XKR4: variants seen among roughly 807,000 people sequenced by gnomAD.
The protein encoded by XKR4 is XK-related protein 4.
Under a neutral mutation model 53.9 loss-of-function variants are expected in XKR4, and 12 were observed. The observed-to-expected ratio is 0.22, with a 90% CI of 0.14 to 0.36. The LOEUF (loss-of-function observed/expected upper bound fraction) is 0.36. Among genes scored for constraint, XKR4 ranks in the 10% least tolerant of loss-of-function variants. The pLI is 1.00. For missense variants in XKR4, 799 were observed against 859.5 expected (o/e 0.93, Z 0.88); for synonymous variants, 354 against 362.4 (o/e 0.98, Z 0.26).
chr8:55,157,050 G>C (rs1381688148), intron 1 of XKR4, among the ~76,000 whole-genome samples: 9 of 152,202 alleles, frequency 5.9e-5, no homozygotes, highest in Non-Finnish European at 1.3e-4. Context: ...CTGTATGTTA[G>C]TGTCTGCTGT....
chr8:55,323,304 A>G (rs1364551445), intron 1 of XKR4, among the ~76,000 whole-genome samples: 1 of 152,254 alleles, frequency 6.6e-6, no homozygotes, highest in Admixed American at 6.5e-5. Flanking sequence ...GATACAGAAC[A>G]GTTCCATCTC....
intron 1 of XKR4, among the ~76,000 whole-genome samples, chr8:55,112,553 A>G (rs1398224162): frequency 2.5e-5 from 2 of 78,644 alleles, no homozygotes; most frequent in Non-Finnish European, 5.3e-5. Context: ...TGAATTCTTT[A>G]CTTTTCAGGT....
At chr8:55,193,565 G>A (rs993725770) in intron 1 of XKR4, among the ~76,000 whole-genome samples, 2 of 152,290 alleles carry the variant, frequency 1.3e-5, no homozygotes, top group South Asian at 2.1e-4. Flanking sequence ...GGGTCCATGC[G>A]CCTGTGCTCA....
At chr8:55,383,503 T>C (rs1343967537) in intron 2 of XKR4, among the ~76,000 whole-genome samples, 1 of 152,262 alleles carries the variant, frequency 6.6e-6, no homozygotes, top group Admixed American at 6.5e-5. Flanking sequence ...GCATTCTGAT[T>C]ATGTAGAAGA....
intron 1 of XKR4, among the ~76,000 whole-genome samples, chr8:55,207,546 A>T (rs2129363118): frequency 1.3e-5 from 2 of 152,224 alleles, no homozygotes; most frequent in African/African-American, 4.8e-5. Context: ...CCTTGTCATT[A>T]TCATCCCTAG....
chr8:55,297,933 T>A (rs1188647752), intron 1 of XKR4, among the ~76,000 whole-genome samples: 1 of 152,220 alleles, frequency 6.6e-6, no homozygotes, highest in Non-Finnish European at 1.5e-5. Flanking sequence ...ACAAGGAAAA[T>A]GAAATCATGT....
chr8:55,271,123 A>G (rs1434941541), intron 1 of XKR4, among the ~76,000 whole-genome samples: 2 of 151,478 alleles, frequency 1.3e-5, no homozygotes, highest in African/African-American at 2.4e-5. Flanking sequence ...CTTCCCCATC[A>G]TTTGGCTTCA....
chr8:55,164,076 T>C (rs1346875742), intron 1 of XKR4: 6 of 398,508 alleles, frequency 1.5e-5, no homozygotes, highest in Admixed American at 5.7e-5. Flanking sequence ...TTTGCCCTTA[T>C]CTGTGACCCA....
At chr8:55,408,213 C>A (rs1804715914) in intron 2 of XKR4, among the ~76,000 whole-genome samples, 1 of 152,188 alleles carries the variant, frequency 6.6e-6, no homozygotes, top group Non-Finnish European at 1.5e-5. Context: ...CAAGTATATA[C>A]CACCAGCTCT....
At chr8:55,226,587 A>ATTCCTCC (rs1316702383) in intron 1 of XKR4, among the ~76,000 whole-genome samples, 1 of 152,136 alleles carries the variant, frequency 6.6e-6, no homozygotes, top group African/African-American at 2.4e-5. Context: ...TCCCTCCGAG[A>ATTCCTCC]TTCCTCCTTC....
chr8:55,238,540 C>T lies in XKR4; in HGVS notation c.807-119138C>T, dbSNP rs73682918. On this transcript the variant is annotated intron_variant, in intron 1 of 2. Transcript: ENST00000327381. ...TGCCAGGAGGGGTCAAAGCCCCTGA[C>T]CTGGAGTTACACATACCCTAAACCT... 3.6e-3 allele frequency among the ~76,000 whole-genome samples: 552 copies of T among 152,260 alleles called. 5 individuals are homozygous for T. The highest frequency in any genetic ancestry group is 0.012 in the African/African-American group (499 of 41,540).
chr8:55,481,906 T>C lies in XKR4; in HGVS notation c.1007-41375T>C, dbSNP rs938603365. ...AAAAGTCAGGAAACAACAGGTCCTG[T>C]AAAGGATGTGGAGAAATAGGAACAC... On this transcript the variant is annotated intron_variant, in intron 2 of 2. Coordinates refer to ENST00000327381, the MANE Select transcript of XKR4 (RefSeq NM_052898.2). Among the ~76,000 whole-genome samples, 7 of 152,212 alleles carry C rather than the reference T, an allele frequency of 4.6e-5. No homozygotes were observed. In the East Asian group the frequency reaches 1.4e-3, roughly 29 times the overall value.
At chr8:55,204,973 G>T (rs1817625844) in intron 1 of XKR4, among the ~76,000 whole-genome samples, 2 of 152,166 alleles carry the variant, frequency 1.3e-5, no homozygotes, top group African/African-American at 4.8e-5. Context: ...TGCCTGGCTA[G>T]GCACTGACTC....
chr8:55,363,887 G>A (rs1316519528), intron 2 of XKR4, among the ~76,000 whole-genome samples: 1 of 152,142 alleles, frequency 6.6e-6, no homozygotes, highest in Non-Finnish European at 1.5e-5. Context: ...TGTGCATGAT[G>A]GTGTGTGAAG....
At chr8:55,413,241 T>A (rs1563344001) in intron 2 of XKR4, among the ~76,000 whole-genome samples, 1 of 152,214 alleles carries the variant, frequency 6.6e-6, no homozygotes, top group Non-Finnish European at 1.5e-5. Flanking sequence ...TTTTCTTTTT[T>A]AAATGGAGTC....
chr8:55,453,229 G>T, intron 2 of XKR4: 1 of 493,764 alleles, frequency 2.0e-6, no homozygotes, highest in South Asian at 1.5e-5. Flanking sequence ...GGAAGGCTGT[G>T]ACCAGAGGCA....
chr8:55,430,174 C>T (rs573300535), intron 2 of XKR4, among the ~76,000 whole-genome samples: 218 of 152,158 alleles, frequency 1.4e-3, no homozygotes, highest in African/African-American at 4.5e-3. Context: ...AAATGAATTC[C>T]GCACCACCCC....
chr8:55,409,896 A>C (rs1585560234), intron 2 of XKR4, among the ~76,000 whole-genome samples: 1 of 152,198 alleles, frequency 6.6e-6, no homozygotes, highest in African/African-American at 2.4e-5. Context: ...AAGAAACTAA[A>C]ACTTAAATAC....
At chr8:55,395,575 A>G (rs1167858723) in intron 2 of XKR4, among the ~76,000 whole-genome samples, 1 of 152,146 alleles carries the variant, frequency 6.6e-6, no homozygotes, top group African/African-American at 2.4e-5. Context: ...GTGATGGGAA[A>G]TCAGTGAGGG....
Sources: allele counts gnomAD v4.1 joint callset (sites outside exome capture counted in the v4.1 genomes callset), GRCh38; gene constraint gnomAD v4.1.1; transcripts MANE v1.5; gene names NCBI Gene and HGNC (gene_info 2026-07-23, HGNC 2026-07-21).